Variants in GALNT7 observed in about 807,000 individuals in gnomAD.
The protein encoded by GALNT7 is N-acetylgalactosaminyltransferase 7.
In GALNT7, 60 loss-of-function variants were observed where a neutral mutation model predicts 82.1. The ratio of observed to expected loss-of-function variants is 0.73; its 90% confidence interval spans 0.59 to 0.91. The LOEUF (loss-of-function observed/expected upper bound fraction) is 0.91, where lower values mean the gene tolerates loss of function less well. GALNT7 is among the 40% of genes least tolerant of loss of function. The pLI, the probability that GALNT7 is intolerant of heterozygous loss-of-function variation, is 0.00. For synonymous variants in GALNT7, 243 were observed against 275.1 expected (o/e 0.88, Z 1.15); for missense variants, 660 against 804.2 (o/e 0.82, Z 2.17).
chr4:173,234,128 AAC>A (rs1296015799), intron 1 of GALNT7, among the ~76,000 whole-genome samples: 1 of 152,138 alleles, frequency 6.6e-6, no homozygotes, highest in Non-Finnish European at 1.5e-5. Flanking sequence ...CTGTGTCTTG[AAC>A]ACACTGTTTT....
At chr4:173,232,932 A>G (rs1262861298) in intron 1 of GALNT7, among the ~76,000 whole-genome samples, 1 of 151,930 alleles carries the variant, frequency 6.6e-6, no homozygotes, top group Admixed American at 6.6e-5. Flanking sequence ...CCATCATTCT[A>G]CTCTACCTCG....
Position 173,247,975 on chromosome 4 carries a change from T to C in GALNT7, c.127-5T>C. The C allele has an allele frequency of 6.3e-7, 1 of 1,594,450 alleles. No individual in the cohort carries two copies. Among genetic ancestry groups the C allele is most frequent in the East Asian group, 2.2e-5 (1 of 44,750 alleles). The stretch of plus-strand genomic sequence containing the variant: ...CTCATTGTATATCCCCTCCCTTTTG[T>C]ATAGGAAGACAGAGATGTCAATGAC... On this transcript the variant is annotated splice_polypyrimidine_tract_variant and splice_region_variant and intron_variant, in intron 1 of 11. Transcript: ENST00000265000.
intron 8 of GALNT7, 148 bp from the exon 9 acceptor site, chr4:173,313,810 A>G (rs1271930357): frequency 2.7e-6 from 1 of 371,490 alleles, no homozygotes; most frequent in African/African-American, 2.1e-5. Flanking sequence ...AGAGTCATTA[A>G]CTTGCATTTG....
chr4:173,175,249 AAT>A (rs1227156313), intron 1 of GALNT7, among the ~76,000 whole-genome samples: 1 of 152,260 alleles, frequency 6.6e-6, no homozygotes, highest in Non-Finnish European at 1.5e-5. Context: ...CAGCAACAAT[AAT>A]AGTTTACATA....
rs1427660006 is a variant in GALNT7 at position 173,314,182 on chromosome 4, T to C, written c.1608+6T>C. ...AAAATGTTGACTGGGGAGAAGTAAG[T>C]AGTCACATCTCAAAATGTATGTGTT... On this transcript the variant is annotated splice_donor_region_variant and intron_variant, in intron 9 of 11. Transcript: ENST00000265000. The C allele has an allele frequency of 5.2e-6, 8 of 1,525,624 alleles. No homozygotes were observed. The highest frequency in any genetic ancestry group is 1.4e-5 in the African/African-American group (1 of 73,236). 94.5% of individuals were successfully genotyped at this position (1,525,624 alleles called of 1,614,324 possible).
At chr4:173,181,867 G>C (rs370322698) in intron 1 of GALNT7, among the ~76,000 whole-genome samples, 5 of 152,154 alleles carry the variant, frequency 3.3e-5, no homozygotes, top group African/African-American at 1.2e-4. Context: ...ATGCGGCTTC[G>C]TCTTACTTTC....
At chr4:173,187,016 A>C (rs2126636411) in intron 1 of GALNT7, among the ~76,000 whole-genome samples, 1 of 152,286 alleles carries the variant, frequency 6.6e-6, no homozygotes, top group Non-Finnish European at 1.5e-5. Flanking sequence ...TCGGCCGCCC[A>C]AAGTGCTGGA....
At chr4:173,209,302 G>A (rs1733197049) in intron 1 of GALNT7, among the ~76,000 whole-genome samples, 3 of 152,190 alleles carry the variant, frequency 2.0e-5, no homozygotes, top group African/African-American at 7.2e-5. Context: ...ATACACGTTT[G>A]AATGAGGCTG....
intron 2 of GALNT7, among the ~76,000 whole-genome samples, chr4:173,276,657 T>A (rs1735923380): frequency 1.3e-5 from 2 of 152,162 alleles, no homozygotes; most frequent in Admixed American, 1.3e-4. Context: ...AGTATAAATT[T>A]AGTCTGTTCA....
chr4:173,227,583 G>A (rs1023756581), intron 1 of GALNT7, among the ~76,000 whole-genome samples: 4 of 152,028 alleles, frequency 2.6e-5, no homozygotes, highest in East Asian at 1.9e-4. Flanking sequence ...CACCCACTTC[G>A]GCCTCCCAAA....
intron 10 of GALNT7, among the ~76,000 whole-genome samples, chr4:173,317,942 G>A (rs1320906891): frequency 6.6e-6 from 1 of 152,180 alleles, no homozygotes; most frequent in African/African-American, 2.4e-5. Context: ...TAAGCAGTCA[G>A]AATCTAGAAT....
At chr4:173,247,244 T>C (rs1251609511) in intron 1 of GALNT7, among the ~76,000 whole-genome samples, 1 of 151,604 alleles carries the variant, frequency 6.6e-6, no homozygotes, top group African/African-American at 2.4e-5. Context: ...GCATAGGTGA[T>C]GAAGACGGCC....
chr4:173,284,939 T>C (rs1263638448), intron 2 of GALNT7, among the ~76,000 whole-genome samples: 1 of 152,240 alleles, frequency 6.6e-6, no homozygotes, highest in Admixed American at 6.5e-5. Context: ...TTTACAAGTT[T>C]TGCTGAAGAG....
In GALNT7 at chr4:173,298,147, T is replaced by A; in HGVS notation, c.998T>A (p.Ile333Lys). ...TICTVPLIDV[I>K]NGNTYEIIPQ... ...TGCACTGTGCCGCTTATAGATGTCATAAATGGCAACACATATGAAATTATA... is the reference window on the plus strand; with the variant it reads ...TGCACTGTGCCGCTTATAGATGTCAAAAATGGCAACACATATGAAATTATA... Residue 333 changes from isoleucine (I) to lysine (K), a missense_variant, in exon 6 of 12, where the codon ATA (isoleucine) becomes AAA (lysine). By Grantham distance (102) the Ile-to-Lys change is moderately radical (BLOSUM62 -3). Transcript: ENST00000265000. The A allele has an allele frequency of 6.2e-7, 1 of 1,614,108 alleles. No individual in the cohort carries two copies. The highest frequency in any genetic ancestry group is 8.5e-7 in the Non-Finnish European group (1 of 1,180,014).
intron 2 of GALNT7, among the ~76,000 whole-genome samples, chr4:173,279,633 A>C (rs879470242): frequency 6.6e-6 from 1 of 152,186 alleles, no homozygotes; most frequent in Non-Finnish European, 1.5e-5. Context: ...AAAATGAGCA[A>C]AAGAGGTTTT....
intron 2 of GALNT7, among the ~76,000 whole-genome samples, chr4:173,265,023 T>C (rs964533841): frequency 6.6e-6 from 1 of 152,216 alleles, no homozygotes; most frequent in Non-Finnish European, 1.5e-5. Context: ...TTTAGCAACT[T>C]GCACTGTTTG....
intron 6 of GALNT7, among the ~76,000 whole-genome samples, chr4:173,300,601 A>G (rs1422658283): frequency 6.6e-6 from 1 of 151,392 alleles, no homozygotes; most frequent in Non-Finnish European, 1.5e-5. Context: ...TCCCGGTGGG[A>G]GCAGAGCCGT....
Position 173,292,617 on chromosome 4 carries a change from G to T in GALNT7, c.754+343G>T, listed in dbSNP as rs2126830216. On this transcript the variant is annotated intron_variant, in intron 3 of 11. Coordinates refer to ENST00000265000, the MANE Select transcript of GALNT7 (RefSeq NM_017423.3). The surrounding 1 kb of genome is among the most constrained non-coding windows in gnomAD (Gnocchi z 4.8). ...GTAGCATGAAAATATCGTTCAAAAT[G>T]GCTTTATAAAAAAGCTTCCTCCAAA... Among the ~76,000 whole-genome samples, 1 of 152,218 alleles carries T rather than the reference G, an allele frequency of 6.6e-6. No individual in the cohort carries two copies. Among genetic ancestry groups the T allele is most frequent in the East Asian group, 1.9e-4 (1 of 5,188 alleles).
chr4:173,177,024 A>T (rs1259218352), intron 1 of GALNT7, among the ~76,000 whole-genome samples: 3 of 152,168 alleles, frequency 2.0e-5, no homozygotes, highest in Non-Finnish European at 4.4e-5. Context: ...TGGGAGGAGG[A>T]ATCATTCTTG....
Sources: allele counts gnomAD v4.1 joint callset (sites outside exome capture counted in the v4.1 genomes callset), GRCh38; gene constraint gnomAD v4.1.1; non-coding constraint Gnocchi (gnomAD v3.1); transcripts MANE v1.5; gene names NCBI Gene and HGNC (gene_info 2026-07-23, HGNC 2026-07-21).